The following FRK variants were observed in gnomAD, a reference collection of about 807,000 sequenced individuals.
FRK encodes the protein fyn related Src family tyrosine kinase.
A neutral mutation model predicts 56.4 loss-of-function variants in FRK; 51 were observed. The observed-to-expected ratio is 0.90, with a 90% CI of 0.72 to 1.14. The LOEUF (loss-of-function observed/expected upper bound fraction) is 1.14, where lower values mean the gene tolerates loss of function less well. Among genes scored for constraint, FRK ranks in the 50% most tolerant of loss-of-function variants. The probability of loss-of-function intolerance (pLI) is 0.00; values close to 1 mark genes in which losing one functional copy is unlikely to be tolerated. For missense variants in FRK, 570 were observed against 601.4 expected (o/e 0.95, Z 0.55); for synonymous variants, 245 against 217.9 (o/e 1.12, Z -1.10).
At chr6:116,039,603 C>A in intron 1 of FRK, 1 of 776,772 alleles carries the variant, frequency 1.3e-6, no homozygotes, top group African/African-American at 1.7e-5. Flanking sequence ...CATCTGCCCC[C>A]TCTTGCGGCC....
At chr6:115,954,813 G>A (rs542667341) in intron 5 of FRK, among the ~76,000 whole-genome samples, 245 of 152,202 alleles carry the variant, frequency 1.6e-3, no homozygotes, top group African/African-American at 5.7e-3. Flanking sequence ...GTCACTTCTG[G>A]TCAGAAGCTT....
At chr6:116,077,458 T>G in the FRK span, among the ~76,000 whole-genome samples, 1 of 152,352 alleles carries the variant, frequency 6.6e-6, no homozygotes, top group African/African-American at 2.4e-5. Flanking sequence ...CTTTAAATCC[T>G]ATAGCTCCCC....
At position 115,944,396 on chromosome 6, in the gene FRK, G is replaced by A. The variant is rs1772336384; in HGVS notation, c.988C>T (p.Gln330Ter). The change falls in exon 6 of 8, where the codon CAA (glutamine) becomes TAA (stop). Residue 330 changes from glutamine to a stop codon, truncating the protein, a stop_gained. Transcript: ENST00000606080. LOFTEE classifies it high-confidence loss of function. ...ACCTGTGCCGCCATGTCTACCTGTTGAGTCAGATGGATTTTTGATCCAGTG... is the reference window on the plus strand; with the variant it reads ...ACCTGTGCCGCCATGTCTACCTGTTAAGTCAGATGGATTTTTGATCCAGTG... ...NDTGSKIHLT[Q>*]QVDMAAQVAS... 2.5e-6 allele frequency: 4 copies of A among 1,608,428 alleles called. No homozygotes were observed. The highest frequency in any genetic ancestry group is 2.5e-6 in the Non-Finnish European group (3 of 1,178,674).
At chr6:116,018,281 A>G (rs1775726748) in intron 1 of FRK, among the ~76,000 whole-genome samples, 1 of 152,212 alleles carries the variant, frequency 6.6e-6, no homozygotes, top group Admixed American at 6.5e-5. Flanking sequence ...GTTCTGCTCA[A>G]TTAAGGCCCA....
In FRK at chr6:115,939,314, G is replaced by C. The variant is rs1379397959; in HGVS notation, c.*3100C>G. On this transcript the variant is annotated 3_prime_UTR_variant, in exon 8 of 8. Coordinates refer to ENST00000606080, the MANE Select transcript of FRK (RefSeq NM_002031.3). ...CATACTAAAAACTCTCAATAAACTA[G>C]GTATTGATGGAACGTAGCTCAAAAA... 6.6e-6 allele frequency: 1 copy of C among 152,024 alleles called. No homozygotes were observed. The highest frequency in any genetic ancestry group is 1.5e-5 in the Non-Finnish European group (1 of 68,020). The allele number at this position is 152,024 out of a possible 1,614,324, so 9.4% of individuals were successfully genotyped here.
the FRK span, among the ~76,000 whole-genome samples, chr6:116,086,605 G>A: frequency 6.6e-6 from 1 of 152,176 alleles, no homozygotes; most frequent in Non-Finnish European, 1.5e-5. Context: ...ATGGTTGTCA[G>A]AACATTTCCT....
intron 1 of FRK, among the ~76,000 whole-genome samples, chr6:116,009,138 A>C (rs751152021): frequency 6.6e-6 from 1 of 152,200 alleles, no homozygotes; most frequent in East Asian, 1.9e-4. Flanking sequence ...CTTATTTTGA[A>C]CAAGGTTTGA....
In FRK at chr6:116,010,228, T is replaced by C. The variant is rs567046509; in HGVS notation, c.345-6230A>G. ...GATTCTGTCTCGAAAAAAAAAAAAA[T>C]TCACAAACTAAAAATTATATGTGCT... On this transcript the variant is annotated intron_variant, in intron 1 of 7. Transcript: ENST00000606080. Among the ~76,000 whole-genome samples the C allele has an allele frequency of 2.7e-5, 4 of 150,936 alleles. No individual in the cohort carries two copies. The South Asian group carries it at 8.4e-4, about 32-fold the overall frequency.
At chr6:116,066,451 A>G in the FRK span, among the ~76,000 whole-genome samples, 10 of 146,612 alleles carry the variant, frequency 6.8e-5, no homozygotes, top group Non-Finnish European at 1.3e-4. Context: ...GTGTGTGTGT[A>G]TGTGTGTGTG....
intron 5 of FRK, among the ~76,000 whole-genome samples, chr6:115,948,518 T>C (rs946054677): frequency 6.6e-6 from 1 of 152,250 alleles, no homozygotes; most frequent in African/African-American, 2.4e-5. Flanking sequence ...TTCTTCTGGC[T>C]GATTCTTCAG....
At chr6:116,034,134 T>C (rs1426284858) in intron 1 of FRK, among the ~76,000 whole-genome samples, 1 of 152,120 alleles carries the variant, frequency 6.6e-6, no homozygotes, top group Non-Finnish European at 1.5e-5. Flanking sequence ...AGAGGTTGTT[T>C]ACTGGGTAAA....
rs553276743 is a variant in FRK, at chr6:116,007,432, A to G, written c.345-3434T>C. 6.4e-4 allele frequency among the ~76,000 whole-genome samples: 98 copies of G among 152,334 alleles called. 1 individual carries two copies. The highest frequency in any genetic ancestry group is 8.1e-4 in the Non-Finnish European group (55 of 68,040). ...TGGAGAGGTGATGGTTGAGTCTGAAATTGAGCCAAACTTCTATTTCGCATG... is the reference window on the plus strand; with the variant it reads ...TGGAGAGGTGATGGTTGAGTCTGAAGTTGAGCCAAACTTCTATTTCGCATG... On this transcript the variant is annotated intron_variant, in intron 1 of 7. Transcript: ENST00000606080.
At chr6:116,058,754 CA>C (rs371399287) in intron 1 of FRK, among the ~76,000 whole-genome samples, 25 of 151,608 alleles carry the variant, frequency 1.6e-4, no homozygotes, top group Middle Eastern at 3.4e-3. Flanking sequence ...ACTAAAAATA[CA>C]AAAAAATTAG....
At chr6:116,049,411 C>T (rs1777106680) in intron 1 of FRK, among the ~76,000 whole-genome samples, 1 of 152,184 alleles carries the variant, frequency 6.6e-6, no homozygotes. Context: ...AGTCTTTCTG[C>T]TCCAGGAAAT....
At chr6:115,973,447 T>C (rs1330858467) in intron 2 of FRK, among the ~76,000 whole-genome samples, 6 of 152,018 alleles carry the variant, frequency 3.9e-5, no homozygotes, top group Admixed American at 3.9e-4. Flanking sequence ...TTAGGAGAAA[T>C]ACCGAATGTA....
At chr6:116,007,740 A>G (rs1163258388) in intron 1 of FRK, among the ~76,000 whole-genome samples, 1 of 152,152 alleles carries the variant, frequency 6.6e-6, no homozygotes, top group African/African-American at 2.4e-5. Context: ...ATCACTCAGA[A>G]TGGCATTGTC....
intron 2 of FRK, among the ~76,000 whole-genome samples, chr6:115,998,048 T>G (rs1031125388): frequency 6.6e-6 from 1 of 152,218 alleles, no homozygotes; most frequent in African/African-American, 2.4e-5. Flanking sequence ...ACTCCCATAC[T>G]TGCTCATAAA....
chr6:116,006,850 AT>A (rs1775265600), intron 1 of FRK, among the ~76,000 whole-genome samples: 1 of 152,170 alleles, frequency 6.6e-6, no homozygotes, highest in South Asian at 2.1e-4. Context: ...AATAAATTAA[AT>A]TTTTAAAAAT....
In FRK at chr6:116,036,221, A is replaced by G. The variant is rs541342488; in HGVS notation, c.344+23747T>C. ...TAGACAAAGCCTCTTTCTATGACAAATCTTCGAGTAACAGGGATAGTTCCC... is the reference window on the plus strand; with the variant it reads ...TAGACAAAGCCTCTTTCTATGACAAGTCTTCGAGTAACAGGGATAGTTCCC... On this transcript the variant is annotated intron_variant, in intron 1 of 7. Transcript: ENST00000606080. Among the ~76,000 whole-genome samples the G allele has an allele frequency of 3.9e-5, 6 of 152,222 alleles. No individual in the cohort carries two copies. In the South Asian group the frequency reaches 1.2e-3, roughly 32 times the overall value.
Sources: gnomAD v4.1 joint callset for allele counts (sites outside exome capture counted in the v4.1 genomes callset) on GRCh38, gnomAD v4.1.1 for gene constraint, MANE v1.5 for transcripts, NCBI Gene and HGNC (gene_info 2026-07-23, HGNC 2026-07-21) for gene names.